Variants in MAGI2 observed in about 807,000 individuals in gnomAD.
The protein encoded by MAGI2 is membrane-associated guanylate kinase, WW and PDZ domain-containing protein 2.
MAGI2 carries 35 observed loss-of-function variants against 133.3 expected under a neutral mutation model. The ratio of observed to expected loss-of-function variants is 0.26; its 90% CI spans 0.20 to 0.35. MAGI2 has a LOEUF of 0.35. Among genes scored for constraint, MAGI2 ranks in the 10% least tolerant of loss-of-function variants. The probability of loss-of-function intolerance (pLI) is 1.00; values close to 1 mark genes in which losing one functional copy is unlikely to be tolerated. For synonymous variants in MAGI2, 729 were observed against 710.6 expected (o/e 1.03, Z -0.41); for missense variants, 1,636 against 1,863.4 (o/e 0.88, Z 2.25).
intron 3 of MAGI2, among the ~76,000 whole-genome samples, chr7:78,566,672 A>G (rs935462987): frequency 2.0e-5 from 3 of 152,186 alleles, no homozygotes; most frequent in Non-Finnish European, 1.5e-5. Flanking sequence ...TAATACCATG[A>G]ATACTTTCAT....
intron 3 of MAGI2, among the ~76,000 whole-genome samples, chr7:78,531,080 G>A (rs1797427033): frequency 6.6e-6 from 1 of 152,160 alleles, no homozygotes; most frequent in Non-Finnish European, 1.5e-5. Context: ...GCAAAATGCA[G>A]ATGCAAAGAT....
intron 1 of MAGI2, among the ~76,000 whole-genome samples, chr7:79,049,131 T>A (rs563732235): frequency 6.3e-4 from 96 of 152,024 alleles, no homozygotes; most frequent in African/African-American, 2.3e-3. Context: ...ATGTTACTCA[T>A]CCACAAAGGA....
intron 9 of MAGI2, among the ~76,000 whole-genome samples, chr7:78,312,998 C>A (rs1042311806): frequency 6.6e-5 from 10 of 151,056 alleles, no homozygotes; most frequent in Non-Finnish European, 1.5e-4. Context: ...CATAGAATAC[C>A]ACTCAGCCAT....
intron 20 of MAGI2, among the ~76,000 whole-genome samples, chr7:78,108,642 A>ATGTGTGTG (rs71844818): frequency 6.7e-6 from 1 of 148,714 alleles, no homozygotes; most frequent in Non-Finnish European, 1.5e-5. Context: ...CTCTCTCTGT[A>ATGTGTGTG]TGTGTGTGTG....
At chr7:78,720,714 T>C (rs1820181269) in intron 2 of MAGI2, among the ~76,000 whole-genome samples, 1 of 152,094 alleles carries the variant, frequency 6.6e-6, no homozygotes, top group Admixed American at 6.6e-5. Flanking sequence ...TGCCATTTTA[T>C]TCAAAGTCCA....
At chr7:79,431,101 C>T (rs1847748674) in intron 1 of MAGI2, among the ~76,000 whole-genome samples, 3 of 152,110 alleles carry the variant, frequency 2.0e-5, no homozygotes, top group African/African-American at 2.4e-5. Flanking sequence ...GCTGATGCTG[C>T]TAGGCAAGAT....
rs925656028 is a variant in MAGI2, at chr7:78,414,164, T to G, written c.1046-44951A>C. 1.3e-5 allele frequency among the ~76,000 whole-genome samples: 2 copies of G among 152,166 alleles called. 1 individual carries two copies. Among genetic ancestry groups the G allele is most frequent in the African/African-American group, 4.8e-5 (2 of 41,536 alleles). On this transcript the variant is annotated intron_variant, in intron 6 of 21. Transcript: ENST00000354212. ...TCCAAGAGTATTCACTGAAGCATCA[T>G]TTTAGTAAGTTGGCAACGACATAAA...
intron 1 of MAGI2, 151 bp downstream of exon 1, chr7:79,452,869 G>T (rs1378637709): frequency 6.3e-6 from 5 of 789,570 alleles, no homozygotes; most frequent in African/African-American, 3.5e-5. Flanking sequence ...CGAATCCCCG[G>T]CGAAACTCAC....
intron 1 of MAGI2, among the ~76,000 whole-genome samples, chr7:79,427,749 C>T (rs759038748): frequency 4.6e-5 from 7 of 151,944 alleles, no homozygotes; most frequent in East Asian, 1.9e-4. Context: ...TTGTGCAGTA[C>T]GGAAAAAAAG....
intron 1 of MAGI2, among the ~76,000 whole-genome samples, chr7:79,253,597 C>T (rs992869886): frequency 2.8e-4 from 42 of 152,012 alleles, no homozygotes; most frequent in African/African-American, 9.4e-4. Context: ...GAGCCAAGAG[C>T]ATGCCACTGC....
At chr7:79,187,580 T>C (rs1827278691) in intron 1 of MAGI2, among the ~76,000 whole-genome samples, 1 of 151,924 alleles carries the variant, frequency 6.6e-6, no homozygotes, top group Non-Finnish European at 1.5e-5. Flanking sequence ...TGGATGTAGA[T>C]ACAGTCTTTT....
intron 1 of MAGI2, among the ~76,000 whole-genome samples, chr7:79,095,972 A>C (rs1817477410): frequency 6.6e-6 from 1 of 152,136 alleles, no homozygotes; most frequent in Admixed American, 6.5e-5. Context: ...CAATAAAATA[A>C]GGCATGATTG....
chr7:79,207,296 G>A (rs1386808487), intron 1 of MAGI2, among the ~76,000 whole-genome samples: 1 of 151,854 alleles, frequency 6.6e-6, no homozygotes, highest in Non-Finnish European at 1.5e-5. Context: ...GTTTGCAGAT[G>A]ACATGGCCAT....
rs563911230 is a variant in MAGI2, at chr7:79,300,718, C to A, written c.301+152302G>T. On this transcript the variant is annotated intron_variant, in intron 1 of 21. Coordinates refer to ENST00000354212, the MANE Select transcript of MAGI2 (RefSeq NM_012301.4). ...AGAGATGTGCATAATTCAAAAGGAG[C>A]CAAGTGTTGATAGCCAAGGCAATGG... Among the ~76,000 whole-genome samples, 64 of 152,232 alleles carry A rather than the reference C, an allele frequency of 4.2e-4. 1 individual carries two copies. Among genetic ancestry groups the A allele is most frequent in the African/African-American group, 1.3e-3 (56 of 41,550 alleles).
intron 6 of MAGI2, among the ~76,000 whole-genome samples, chr7:78,479,752 T>G (rs1792166200): frequency 6.6e-6 from 1 of 151,784 alleles, no homozygotes; most frequent in Non-Finnish European, 1.5e-5. Flanking sequence ...AAAAACAAAT[T>G]GGATGAGAAA....
At chr7:78,817,871 G>A (rs1207892) in intron 2 of MAGI2, among the ~76,000 whole-genome samples, 69,296 of 151,734 alleles carry the variant, frequency 0.46, 16,573 homozygotes, top group South Asian at 0.57. Context: ...CACCATGCCC[G>A]GCTATTTCTT....
intron 2 of MAGI2, among the ~76,000 whole-genome samples, chr7:78,928,703 T>C (rs1202091554): frequency 1.3e-5 from 2 of 152,078 alleles, no homozygotes; most frequent in African/African-American, 2.4e-5. Flanking sequence ...AGATTACATA[T>C]GATATCTTCC....
At chr7:78,324,236 GA>G (rs139009867) in intron 9 of MAGI2, among the ~76,000 whole-genome samples, 9 of 141,298 alleles carry the variant, frequency 6.4e-5, no homozygotes, top group South Asian at 2.3e-4. Context: ...GACTGAGGGG[GA>G]AAAAAAAAAC....
At chr7:79,399,090 C>CTTTTTTTT (rs1337058211) in intron 1 of MAGI2, among the ~76,000 whole-genome samples, 3 of 101,434 alleles carry the variant, frequency 3.0e-5, no homozygotes, top group African/African-American at 1.5e-4. Context: ...TTTTTTTTTT[C>CTTTTTTTT]TTTTCTTTTT....
Sources: gnomAD v4.1 joint callset for allele counts (sites outside exome capture counted in the v4.1 genomes callset) on GRCh38, gnomAD v4.1.1 for gene constraint, MANE v1.5 for transcripts, NCBI Gene and HGNC (gene_info 2026-07-23, HGNC 2026-07-21) for gene names.